DENND3: variants seen among roughly 807,000 people sequenced by gnomAD.
DENND3 encodes the protein DENN domain-containing protein 3.
DENND3 carries 88 observed loss-of-function variants against 135.1 expected under a neutral mutation model. The ratio of observed to expected loss-of-function variants is 0.65; its 90% CI spans 0.55 to 0.78. The LOEUF (loss-of-function observed/expected upper bound fraction) is 0.78, where lower values mean the gene tolerates loss of function less well. Ranked by LOEUF, DENND3 falls within the 30% of genes least tolerant of loss-of-function variation. DENND3 has a pLI of 0.00. For missense variants in DENND3, 1,392 were observed against 1,688.4 expected, an observed-to-expected ratio of 0.82 and a Z score of 3.08; for synonymous variants, 693 against 712.3, an observed-to-expected ratio of 0.97 and a Z score of 0.43.
At position 141,155,858 on chromosome 8, in the gene DENND3, G is replaced by A. The variant is rs768962599; in HGVS notation, c.1084G>A (p.Gly362Ser). ...ATTCCTTGTTTTCTAGGAAGCCGAC[G>A]GTTTAGTTCTGATAAATATTGATCA... ...HFEEVSKEAD[G>S]LVLINIDHGS... Residue 362 changes from glycine (G) to serine (S), a missense_variant, in exon 8 of 23, where the codon GGT (glycine) becomes AGT (serine). Physicochemically the swap from Gly to Ser is moderately conservative, Grantham distance 56. Transcript: ENST00000519811. 10 of 1,585,112 alleles carry A rather than the reference G, an allele frequency of 6.3e-6. No individual in the cohort carries two copies. Among genetic ancestry groups the A allele is most frequent in the South Asian group, 1.2e-5 (1 of 86,696 alleles).
At position 141,166,350 on chromosome 8, in the gene DENND3, C is replaced by T. The variant is rs1385481289; in HGVS notation, c.1714C>T (p.Arg572Trp). The change falls in exon 12 of 23, where the codon CGG becomes TGG. Residue 572 changes from arginine to tryptophan, a missense_variant. By Grantham distance (101) the Arg-to-Trp change is moderately radical. Transcript: ENST00000519811. The surrounding 1 kb of genome is among the most constrained non-coding windows in gnomAD (Gnocchi z 4.3). Reference protein sequence around the residue: ...PELAPRNSSLRLTDTAGCRGS... With the variant: ...PELAPRNSSLWLTDTAGCRGS... The stretch of plus-strand genomic sequence containing the variant: ...GCTGGCACCCAGGAACTCCTCGCTC[C>T]GGCTGACGGACACCGCAGGCTGTAG... 2.3e-5 allele frequency: 37 copies of T among 1,613,180 alleles called. No individual in the cohort carries two copies. Among genetic ancestry groups the T allele is most frequent in the East Asian group, 4.5e-5 (2 of 44,894 alleles).
At chr8:141,156,062 C>A in intron 8 of DENND3, 92 bp downstream of exon 8, 2 of 1,434,974 alleles carry the variant, frequency 1.4e-6, no homozygotes, top group East Asian at 2.4e-5. Flanking sequence ...TTTTATATAA[C>A]TGATAGATGT....
chr8:141,173,937 T>C (rs1821987628), intron 13 of DENND3, among the ~76,000 whole-genome samples: 1 of 152,186 alleles, frequency 6.6e-6, no homozygotes, highest in African/African-American at 2.4e-5. Flanking sequence ...ATTCTGGTTC[T>C]TGGGGTGTAG....
intron 8 of DENND3, chr8:141,157,759 CTT>C (rs374868733): frequency 0.019 from 16,576 of 871,374 alleles, no homozygotes; most frequent in Non-Finnish European, 0.021. Context: ...AAAACTACCT[CTT>C]TTTTTTTTTT....
intron 6 of DENND3, among the ~76,000 whole-genome samples, chr8:141,151,276 A>G (rs1016914658): frequency 2.0e-5 from 3 of 152,140 alleles, no homozygotes; most frequent in African/African-American, 4.8e-5. Context: ...AAGTGTGTAC[A>G]TGGGCCGGGT....
Position 141,195,193 on chromosome 8 carries a change from T to C in DENND3, c.*960T>C, listed in dbSNP as rs1482135352. The C allele has an allele frequency of 6.6e-6, 1 of 152,322 alleles. No individual in the cohort carries two copies. Among genetic ancestry groups the C allele is most frequent in the African/African-American group, 2.4e-5 (1 of 41,482 alleles). 9.4% of individuals were successfully genotyped at this position (152,322 alleles called of 1,614,324 possible). A position where few individuals can be genotyped will look rare whatever the true frequency, so the allele number is the denominator to read the frequency against. ...ATAAATATTTGTAAAAGAGACCCTTTGCACCTTTTTACTGTAATGTTGAGA... is the reference window on the plus strand; with the variant it reads ...ATAAATATTTGTAAAAGAGACCCTTCGCACCTTTTTACTGTAATGTTGAGA... On this transcript the variant is annotated 3_prime_UTR_variant, in exon 23 of 23. Transcript: ENST00000519811.
intron 17 of DENND3, among the ~76,000 whole-genome samples, chr8:141,181,989 T>G (rs1823190575): frequency 6.6e-6 from 1 of 152,132 alleles, no homozygotes; most frequent in African/African-American, 2.4e-5. Flanking sequence ...AGACGGGGTT[T>G]CGCCATGTTG....
chr8:141,151,339 T>G (rs1271926189), intron 6 of DENND3, among the ~76,000 whole-genome samples: 1 of 152,176 alleles, frequency 6.6e-6, no homozygotes, highest in East Asian at 1.9e-4. Flanking sequence ...GTGGAAGGAT[T>G]GCTTGAGGCC....
chr8:141,158,323 G>A, intron 8 of DENND3: 1 of 1,269,084 alleles, frequency 7.9e-7, no homozygotes, highest in South Asian at 1.3e-5. Flanking sequence ...TTTAGAGCGT[G>A]ACATTCTGTA....
intron 20 of DENND3, chr8:141,191,259 T>G (rs1824714266): frequency 6.6e-6 from 1 of 152,262 alleles, no homozygotes; most frequent in Non-Finnish European, 1.5e-5. Context: ...TTACAGAACT[T>G]TCTACAAATG....
At chr8:141,150,482 TA>T in intron 5 of DENND3, 1 of 372,776 alleles carries the variant, frequency 2.7e-6, no homozygotes, top group Non-Finnish European at 4.5e-6. Context: ...ATGTAATACC[TA>T]AGAATAATTT....
intron 20 of DENND3, chr8:141,190,726 C>A (rs967155085): frequency 7.0e-6 from 2 of 286,772 alleles, no homozygotes; most frequent in African/African-American, 4.4e-5. Flanking sequence ...TTGAAGCTGG[C>A]CCATGTGTCC....
At chr8:141,151,893 G>C in intron 7 of DENND3, 56 bp downstream of exon 7, 1 of 1,589,336 alleles carries the variant, frequency 6.3e-7, no homozygotes, top group Non-Finnish European at 8.6e-7. Context: ...CCATCACGGG[G>C]ACACATGGGA....
intron 7 of DENND3, among the ~76,000 whole-genome samples, chr8:141,155,043 G>A (rs1009171072): frequency 2.0e-5 from 3 of 152,150 alleles, no homozygotes; most frequent in Admixed American, 6.6e-5. Context: ...AATGCTGTTC[G>A]TGAATCCACT....
At chr8:141,155,536 T>G (rs1819333518) in intron 7 of DENND3, among the ~76,000 whole-genome samples, 1 of 152,092 alleles carries the variant, frequency 6.6e-6, no homozygotes, top group Non-Finnish European at 1.5e-5. Flanking sequence ...CCCAAGTAGC[T>G]GGGACCATAG....
Position 141,190,266 on chromosome 8 carries a change from T to G in DENND3, c.3246-18T>G, listed in dbSNP as rs769843010. On this transcript the variant is annotated intron_variant, in intron 19 of 22. Coordinates refer to ENST00000519811, the MANE Select transcript of DENND3 (RefSeq NM_001352890.3). The stretch of plus-strand genomic sequence containing the variant: ...GGGGCCCAAGTTAAAGGTGTGTGTG[T>G]GTGTTTTGTGCCCCCAGCAACGTGT... 1 of 1,572,348 alleles carries G rather than the reference T, an allele frequency of 6.4e-7. No individual in the cohort carries two copies. Among genetic ancestry groups the G allele is most frequent in the African/African-American group, 1.3e-5 (1 of 74,194 alleles).
At position 141,182,185 on chromosome 8, in the gene DENND3, A is replaced by AC. The variant is rs769807478; in HGVS notation, c.2944+1336dup. The AC allele has an allele frequency of 2.4e-5, 9 of 373,798 alleles. 1 individual carries two copies. The highest frequency in any genetic ancestry group is 3.3e-5 in the Non-Finnish European group (9 of 270,972). The allele number at this position is 373,798 out of a possible 1,614,324, so 23.2% of individuals were successfully genotyped here. ...TGTCAGGGATGCAGATGTAGGTGTC[A>AC]CCCCCTCTCACAGGCCATGTCCGCG... On this transcript the variant is annotated intron_variant, in intron 17 of 22. Transcript: ENST00000519811. The surrounding 1 kb of genome is among the most constrained non-coding windows in gnomAD (Gnocchi z 5.9).
At chr8:141,176,455 C>A in intron 14 of DENND3, 136 bp from the exon 15 acceptor site, 1 of 1,080,710 alleles carries the variant, frequency 9.3e-7, no homozygotes. Context: ...CGGGGCCCTG[C>A]CTTCCACATG....
At position 141,130,769 on chromosome 8, in the gene DENND3, C is replaced by T. The variant is rs184038995; in HGVS notation, c.102+1960C>T. On this transcript the variant is annotated intron_variant, in intron 1 of 22. Coordinates refer to ENST00000519811, the MANE Select transcript of DENND3 (RefSeq NM_001352890.3). This position sits in a 1 kb window ranked among gnomAD's most constrained non-coding sequence, Gnocchi z 4.2. The stretch of plus-strand genomic sequence containing the variant: ...TGGTGCAATCTCGGCTCACTGCAAT[C>T]TCCGCCTCCTGAGTTCAAGCAATTC... Among the ~76,000 whole-genome samples, 1 of 151,504 alleles carries T rather than the reference C, an allele frequency of 6.6e-6. No homozygotes were observed. Among genetic ancestry groups the T allele is most frequent in the African/African-American group, 2.4e-5 (1 of 41,218 alleles).
Sources: gnomAD v4.1 joint callset for allele counts (sites outside exome capture counted in the v4.1 genomes callset) on GRCh38, gnomAD v4.1.1 for gene constraint, Gnocchi (gnomAD v3.1) non-coding constraint, MANE v1.5 for transcripts, NCBI Gene and HGNC (gene_info 2026-07-23, HGNC 2026-07-21) for gene names.